TPST1: variants seen among roughly 807,000 people sequenced by gnomAD.
The protein encoded by TPST1 is tyrosylprotein sulfotransferase 1.
Under a neutral mutation model 34.8 loss-of-function variants are expected in TPST1, and 20 were observed. The ratio of observed to expected loss-of-function variants is 0.57; its 90% CI spans 0.40 to 0.84. The LOEUF (loss-of-function observed/expected upper bound fraction) is 0.84, where lower values mean the gene tolerates loss of function less well. Among genes scored for constraint, TPST1 ranks in the 40% least tolerant of loss-of-function variants. TPST1 has a pLI of 0.00. For missense variants in TPST1, 353 were observed against 455.5 expected, an observed-to-expected ratio of 0.78 and a Z score of 2.05; for synonymous variants, 152 against 159.4, an observed-to-expected ratio of 0.95 and a Z score of 0.35.
chr7:66,327,265 A>C (rs1000268995), intron 3 of TPST1, among the ~76,000 whole-genome samples: 1 of 152,222 alleles, frequency 6.6e-6, no homozygotes, highest in African/African-American at 2.4e-5. Context: ...AAGGCTTCTG[A>C]TTAATTCTGT....
chr7:66,200,690 G>A (rs982192011), upstream of TPST1, among the ~76,000 whole-genome samples: 9 of 151,876 alleles, frequency 5.9e-5, no homozygotes, highest in African/African-American at 2.2e-4. Context: ...AAAGTGCTGG[G>A]ATTGCAGGCG....
intron 3 of TPST1, among the ~76,000 whole-genome samples, chr7:66,339,601 C>T (rs1016051539): frequency 6.6e-6 from 1 of 151,856 alleles, no homozygotes; most frequent in Non-Finnish European, 1.5e-5. Context: ...CAAAAATCCT[C>T]AACAAAATAC....
Position 66,271,339 on chromosome 7 carries a change from C to T in TPST1, c.846-15172C>T, listed in dbSNP as rs189587982. On this transcript the variant is annotated intron_variant, in intron 2 of 5. Coordinates refer to ENST00000304842, the MANE Select transcript of TPST1 (RefSeq NM_003596.4). The stretch of plus-strand genomic sequence containing the variant: ...GACTACAGGTGCCCGCCGCCACGCC[C>T]GGCTAATTTTTGTATTTTTAGTAGA... Among the ~76,000 whole-genome samples, 916 of 152,210 alleles carry T rather than the reference C, an allele frequency of 6.0e-3. 31 individuals carry two copies. The highest frequency in any genetic ancestry group is 0.056 in the Admixed American group (849 of 15,268).
At chr7:66,240,293 A>G in intron 1 of TPST1, 32 bp from the exon 2 acceptor site, 1 of 1,103,760 alleles carries the variant, frequency 9.1e-7, no homozygotes, top group Non-Finnish European at 1.3e-6. Context: ...ATCTCAATGT[A>G]ATGATAAATA....
intron 5 of TPST1, chr7:66,359,602 A>C: frequency 3.5e-6 from 1 of 288,536 alleles, no homozygotes; most frequent in South Asian, 3.4e-5. Flanking sequence ...AGCAGATGAC[A>C]GTCAGTTATT....
chr7:66,277,685 C>T (rs1279387690), intron 2 of TPST1, among the ~76,000 whole-genome samples: 2 of 152,096 alleles, frequency 1.3e-5, no homozygotes, highest in Admixed American at 6.5e-5. Context: ...TACTCAGATT[C>T]CCTCTCATTT....
intron 2 of TPST1, among the ~76,000 whole-genome samples, chr7:66,276,751 C>T (rs1021031869): frequency 4.0e-5 from 6 of 151,866 alleles, no homozygotes; most frequent in Non-Finnish European, 7.4e-5. Context: ...ATCATTTTCT[C>T]AGTGTCTTTT....
intron 3 of TPST1, among the ~76,000 whole-genome samples, chr7:66,339,467 AT>A (rs762593695): frequency 3.3e-5 from 5 of 152,124 alleles, no homozygotes; most frequent in Middle Eastern, 3.4e-3. Flanking sequence ...CAAAACAAAA[AT>A]TTTTTTGGAA....
At chr7:66,350,763 G>A (rs183487396) in intron 3 of TPST1, among the ~76,000 whole-genome samples, 96 of 152,190 alleles carry the variant, frequency 6.3e-4, no homozygotes, top group African/African-American at 2.1e-3. Flanking sequence ...TCGCGATTCC[G>A]GTGGTTATCA....
intron 3 of TPST1, among the ~76,000 whole-genome samples, chr7:66,329,957 G>T (rs1474805420): frequency 6.6e-6 from 1 of 152,126 alleles, no homozygotes; most frequent in Non-Finnish European, 1.5e-5. Flanking sequence ...GGGCAGAAGA[G>T]GGAAGGAAAA....
At chr7:66,224,570 A>T (rs1450223853) in intron 1 of TPST1, among the ~76,000 whole-genome samples, 1 of 152,152 alleles carries the variant, frequency 6.6e-6, no homozygotes, top group Non-Finnish European at 1.5e-5. Context: ...GGTGTGGTGA[A>T]TGTGCTCTTG....
chr7:66,215,304 C>T (rs1385758519), intron 1 of TPST1, among the ~76,000 whole-genome samples: 1 of 150,466 alleles, frequency 6.6e-6, no homozygotes, highest in African/African-American at 2.4e-5. Flanking sequence ...CTGCCCACCT[C>T]AACCTCCCCT....
intron 1 of TPST1, among the ~76,000 whole-genome samples, chr7:66,226,107 T>C (rs55737143): frequency 0.029 from 4,461 of 152,160 alleles, 101 homozygotes; most frequent in Middle Eastern, 0.054. Context: ...CAGGATGGTC[T>C]CGATCTCCTG....
chr7:66,326,168 C>T (rs912610970), intron 3 of TPST1, among the ~76,000 whole-genome samples: 27 of 152,278 alleles, frequency 1.8e-4, no homozygotes, highest in African/African-American at 4.8e-4. Flanking sequence ...AAGGATCTTA[C>T]GCTTTTATTC....
intron 1 of TPST1, among the ~76,000 whole-genome samples, chr7:66,225,681 C>A (rs1351927408): frequency 1.3e-5 from 2 of 152,208 alleles, no homozygotes; most frequent in African/African-American, 4.8e-5. Flanking sequence ...CACACGCACA[C>A]GTGTGTAAAC....
intron 2 of TPST1, among the ~76,000 whole-genome samples, chr7:66,260,232 T>C (rs1790460895): frequency 6.6e-6 from 1 of 152,220 alleles, no homozygotes; most frequent in South Asian, 2.1e-4. Context: ...GGGATATAAG[T>C]CTAAATATGA....
rs763613246 is a variant in TPST1, at chr7:66,286,502, T to G, written c.846-9T>G. On this transcript the variant is annotated splice_polypyrimidine_tract_variant and intron_variant, in intron 2 of 5. Coordinates refer to ENST00000304842, the MANE Select transcript of TPST1 (RefSeq NM_003596.4). ...AAATAAATATTTATTCATATTATGT[T>G]GTTTTCAGAGTGGAGAGATCTACAG... 3.2e-6 allele frequency: 5 copies of G among 1,547,716 alleles called. No individual in the cohort carries two copies. Among genetic ancestry groups the G allele is most frequent in the African/African-American group, 1.4e-5 (1 of 72,338 alleles).
At chr7:66,215,617 G>A (rs1231896854) in intron 1 of TPST1, among the ~76,000 whole-genome samples, 14 of 151,390 alleles carry the variant, frequency 9.2e-5, no homozygotes, top group East Asian at 7.8e-4. Context: ...CTCGTGATCC[G>A]CCCGCGTCGG....
At chr7:66,323,049 T>C (rs916581155) in intron 3 of TPST1, among the ~76,000 whole-genome samples, 7 of 152,198 alleles carry the variant, frequency 4.6e-5, no homozygotes. Flanking sequence ...GCTTGTTGTC[T>C]ATTTATGTAT....
Sources: gnomAD v4.1 joint callset for allele counts (sites outside exome capture counted in the v4.1 genomes callset) on GRCh38, gnomAD v4.1.1 for gene constraint, MANE v1.5 for transcripts, NCBI Gene and HGNC (gene_info 2026-07-23, HGNC 2026-07-21) for gene names.